Variants in SLC38A9 observed in about 807,000 individuals in gnomAD.
The protein encoded by SLC38A9 is neutral amino acid transporter 9.
In SLC38A9, 48 loss-of-function variants were observed where a neutral mutation model predicts 62.3. The observed-to-expected ratio is 0.77, with a 90% CI of 0.61 to 0.98. The LOEUF (loss-of-function observed/expected upper bound fraction) is 0.98. SLC38A9 is among the 50% of genes least tolerant of loss of function. The pLI, the probability that SLC38A9 is intolerant of heterozygous loss-of-function variation, is 0.00. For missense variants in SLC38A9, 541 were observed against 679.8 expected (o/e 0.80, Z 2.27); for synonymous variants, 204 against 227.7 (o/e 0.90, Z 0.94).
At position 55,661,272 on chromosome 5, in the gene SLC38A9, G is replaced by T. The variant is rs1280315336; in HGVS notation, c.697+3421C>A. On this transcript the variant is annotated intron_variant, in intron 8 of 15. Transcript: ENST00000396865. ...ATCCTGGCTAACACGGTGAAACTCC[G>T]TCTCTACTAAAAATACAAAAACATT... is the stretch of plus-strand genomic sequence containing the variant. 3.3e-5 allele frequency among the ~76,000 whole-genome samples: 5 copies of T among 151,544 alleles called. No individual in the cohort carries two copies. In the South Asian group the frequency reaches 6.3e-4, roughly 19 times the overall value.
chr5:55,650,512 A>T (rs1747198594), intron 10 of SLC38A9, among the ~76,000 whole-genome samples: 1 of 152,208 alleles, frequency 6.6e-6, no homozygotes, highest in Non-Finnish European at 1.5e-5. Context: ...ATATTCTTTT[A>T]AAAGATCTGT....
rs754155568 is a variant in SLC38A9 at position 55,697,994 on chromosome 5, T to C, written c.-34-2A>G. 9.7e-7 allele frequency: 1 copy of C among 1,027,546 alleles called. No individual in the cohort carries two copies. 63.7% of individuals were successfully genotyped at this position (1,027,546 alleles called of 1,614,324 possible). ...CTCTAAGCACTGAAGAAGTTAGTCCTACACAAAGAAGATAAATAATTTAGT... is the reference window on the plus strand; with the variant it reads ...CTCTAAGCACTGAAGAAGTTAGTCCCACACAAAGAAGATAAATAATTTAGT... On this transcript the variant is annotated splice_acceptor_variant, in intron 2 of 15. Coordinates refer to ENST00000396865, the MANE Select transcript of SLC38A9 (RefSeq NM_173514.4). LOFTEE classifies it low-confidence loss of function (5UTR_SPLICE).
chr5:55,704,552 G>T (rs1301441230), intron 2 of SLC38A9: 1 of 108,468 alleles, frequency 9.2e-6, no homozygotes, highest in Non-Finnish European at 2.2e-5. Context: ...TGAACTTAAC[G>T]AAGGTTAATA....
Position 55,695,764 on chromosome 5 carries a change from T to C in SLC38A9, c.113+2082A>G, listed in dbSNP as rs1194993646. On this transcript the variant is annotated intron_variant, in intron 3 of 15. Coordinates refer to ENST00000396865, the MANE Select transcript of SLC38A9 (RefSeq NM_173514.4). ...AAGCTGCCATTGTCATCCTGGCCCG[T>C]TCTCAATGAGCTGTTGGGCACACCT... Among the ~76,000 whole-genome samples, 9 of 78,264 alleles carry C rather than the reference T, an allele frequency of 1.1e-4. 3 individuals are homozygous for C. The highest frequency in any genetic ancestry group is 1.6e-4 in the Non-Finnish European group (5 of 31,924). The allele number at this position is 78,264 out of a possible 152,430, so 51.3% of individuals were successfully genotyped here.
At chr5:55,691,722 G>A (rs73123619) in intron 3 of SLC38A9, among the ~76,000 whole-genome samples, 4,301 of 152,230 alleles carry the variant, frequency 0.028, 77 homozygotes, top group South Asian at 0.044. Context: ...TATCAAGATA[G>A]GAGACTTCTA....
chr5:55,687,579 CT>C (rs1230247011), intron 3 of SLC38A9, among the ~76,000 whole-genome samples: 7 of 152,106 alleles, frequency 4.6e-5, no homozygotes, highest in Admixed American at 3.9e-4. Flanking sequence ...CATATGAATG[CT>C]TTTCCATTTG....
intron 12 of SLC38A9, among the ~76,000 whole-genome samples, chr5:55,641,180 C>G (rs1745397702): frequency 6.6e-6 from 1 of 152,170 alleles, no homozygotes; most frequent in Non-Finnish European, 1.5e-5. Context: ...AAATATTGAG[C>G]TTAAAATATT....
Position 55,669,293 on chromosome 5 carries a change from A to G in SLC38A9, c.461T>C (p.Ile154Thr). 1.2e-6 allele frequency: 2 copies of G among 1,613,224 alleles called. No individual in the cohort carries two copies. The highest frequency in any genetic ancestry group is 8.5e-7 in the Non-Finnish European group (1 of 1,179,670). ...QAGFTTGMCV[I>T]ILMGLLTLYC... ...AAGTGTTAAAAGGCCCATCAGTATG[A>G]TGACACACATTCCAGTAGTAAATCC... The change falls in exon 7 of 16, where the codon ATC becomes ACC. Residue 154 changes from isoleucine to threonine, a missense_variant. Physicochemically the swap from Ile to Thr is moderately conservative, Grantham distance 89. Coordinates refer to ENST00000396865, the MANE Select transcript of SLC38A9 (RefSeq NM_173514.4).
At chr5:55,637,925 T>C (rs565545823) in intron 12 of SLC38A9, among the ~76,000 whole-genome samples, 22 of 152,244 alleles carry the variant, frequency 1.4e-4, no homozygotes, top group Admixed American at 3.3e-4. Context: ...TTAGCTACTA[T>C]GATGGGGAGC....
At chr5:55,636,545 G>T (rs1744424793) in intron 12 of SLC38A9, among the ~76,000 whole-genome samples, 1 of 152,046 alleles carries the variant, frequency 6.6e-6, no homozygotes, top group Non-Finnish European at 1.5e-5. Flanking sequence ...GAAAGCTAAG[G>T]AAACAAATTA....
chr5:55,677,926 T>TTTTGTGTG lies in SLC38A9; in HGVS notation c.114-5232_114-5231insCACACAAA, dbSNP rs1554062823. On this transcript the variant is annotated intron_variant, in intron 3 of 15. Coordinates refer to ENST00000396865, the MANE Select transcript of SLC38A9 (RefSeq NM_173514.4). ...TAAATCAATACTTTTTTTTTCTTTA[T>TTTTGTGTG]TGTGTGTGTGTGTGTGTGTGTGTGT... Among the ~76,000 whole-genome samples the TTTTGTGTG allele has an allele frequency of 6.8e-4, 76 of 112,212 alleles. No homozygotes were observed. In the East Asian group the frequency reaches 9.1e-3, roughly 13 times the overall value. 73.6% of individuals were successfully genotyped at this position (112,212 alleles called of 152,430 possible).
intron 12 of SLC38A9, among the ~76,000 whole-genome samples, chr5:55,637,187 G>A (rs1055261325): frequency 6.6e-5 from 10 of 152,176 alleles, no homozygotes; most frequent in Admixed American, 6.5e-4. Context: ...AAGTGGGACA[G>A]CCACCATCCC....
At chr5:55,691,125 A>C in intron 3 of SLC38A9, 1 of 711,938 alleles carries the variant, frequency 1.4e-6, no homozygotes. Flanking sequence ...TTGGCTTATC[A>C]GAGCACCTGA....
intron 8 of SLC38A9, among the ~76,000 whole-genome samples, chr5:55,662,686 C>A (rs76182588): frequency 0.028 from 1,168 of 41,830 alleles, 11 homozygotes; most frequent in African/African-American, 0.048. Context: ...CAAAAAAAAA[C>A]CAAAAAAAAA....
In SLC38A9 at chr5:55,676,566, A is replaced by C. The variant is rs144817353; in HGVS notation, c.114-3871T>G. 1.3e-3 allele frequency among the ~76,000 whole-genome samples: 199 copies of C among 152,344 alleles called. No homozygotes were observed. The Middle Eastern group carries it at 0.014, about 10-fold the overall frequency. ...GCCTTTAAAAATAGATTTTAAGTGG[A>C]CACATCCTTTCAAAATTTAGTAGAG... On this transcript the variant is annotated intron_variant, in intron 3 of 15. Transcript: ENST00000396865.
rs1756122257 is a variant in SLC38A9 at position 55,697,840 on chromosome 5, G to C, written c.113+6C>G. The C allele has an allele frequency of 1.4e-6, 2 of 1,473,530 alleles. No homozygotes were observed. Among genetic ancestry groups the C allele is most frequent in the South Asian group, 2.5e-5 (2 of 80,516 alleles). 91.3% of individuals were successfully genotyped at this position (1,473,530 alleles called of 1,614,324 possible). Reference sequence around the variant, plus strand: ...TTATGAAATGTGTTTTATTTTAAATGCTTACCTTTTGGATCTTAGATCCGA... The same window carrying C: ...TTATGAAATGTGTTTTATTTTAAATCCTTACCTTTTGGATCTTAGATCCGA... On this transcript the variant is annotated splice_donor_region_variant and intron_variant, in intron 3 of 15. Transcript: ENST00000396865.
rs1265130216 is a variant in SLC38A9, at chr5:55,627,847, A to G, written c.1520+44T>C. On this transcript the variant is annotated intron_variant, in intron 15 of 15. Coordinates refer to ENST00000396865, the MANE Select transcript of SLC38A9 (RefSeq NM_173514.4). Reference sequence around the variant, plus strand: ...CAACAACAGGAAAAGCCTGAAAATAAAGACCAATATATGTAAGGGCACCAT... The same window carrying G: ...CAACAACAGGAAAAGCCTGAAAATAGAGACCAATATATGTAAGGGCACCAT... 6 of 1,193,834 alleles carry G rather than the reference A, an allele frequency of 5.0e-6. No individual in the cohort carries two copies. In the Admixed American group the frequency reaches 1.2e-4, roughly 24 times the overall value. The allele number at this position is 1,193,834 out of a possible 1,614,324, so 74.0% of individuals were successfully genotyped here.
intron 11 of SLC38A9, among the ~76,000 whole-genome samples, chr5:55,648,662 A>C (rs942445284): frequency 6.6e-6 from 1 of 152,352 alleles, no homozygotes; most frequent in African/African-American, 2.4e-5. Context: ...ACTTCAGAAA[A>C]GATGAAATCC....
intron 3 of SLC38A9, chr5:55,691,172 T>C: frequency 1.2e-6 from 1 of 804,222 alleles, no homozygotes; most frequent in South Asian, 1.4e-5. Context: ...AACTTTTGGT[T>C]AGGACTTCAT....
Sources: gnomAD v4.1 joint callset for allele counts (sites outside exome capture counted in the v4.1 genomes callset) on GRCh38, gnomAD v4.1.1 for gene constraint, MANE v1.5 for transcripts, NCBI Gene and HGNC (gene_info 2026-07-23, HGNC 2026-07-21) for gene names.